The following SERAC1 variants were observed in gnomAD, a reference collection of about 807,000 sequenced individuals.
SERAC1 encodes protein SERAC1.
Under a neutral mutation model 85.7 loss-of-function variants are expected in SERAC1, and 36 were observed. The observed-to-expected ratio is 0.42, with a 90% CI of 0.32 to 0.55. The LOEUF is 0.55. Ranked by LOEUF, SERAC1 falls within the 20% of genes least tolerant of loss-of-function variation. SERAC1 has a pLI of 0.11. For synonymous variants in SERAC1, 242 were observed against 265.3 expected (o/e 0.91, Z 0.85); for missense variants, 629 against 796.2 (o/e 0.79, Z 2.53).
chr6:158,132,947 A>T (rs1340279034), intron 8 of SERAC1, among the ~76,000 whole-genome samples: 1 of 152,232 alleles, frequency 6.6e-6, no homozygotes, highest in Non-Finnish European at 1.5e-5. Flanking sequence ...ACAAAAAATA[A>T]TTTTATAAGG....
At chr6:158,152,694 C>T (rs537268725) in intron 3 of SERAC1, 1 of 152,098 alleles carries the variant, frequency 6.6e-6, no homozygotes, top group African/African-American at 2.4e-5. Context: ...ATTTACTGTA[C>T]CTTTTTTTGT....
intron 10 of SERAC1, among the ~76,000 whole-genome samples, chr6:158,123,839 G>C (rs1784474136): frequency 6.6e-6 from 1 of 152,214 alleles, no homozygotes; most frequent in Non-Finnish European, 1.5e-5. Flanking sequence ...GATGGATTGG[G>C]AGAGGATAAA....
At chr6:158,113,231 CTAATCAGTTACA>C (rs565794234) in intron 16 of SERAC1, 15 of 490,594 alleles carry the variant, frequency 3.1e-5, no homozygotes, top group Non-Finnish European at 5.0e-5. Context: ...CCCTTCTCAT[CTAATCAGTTACA>C]TAAAGGGCAG....
intron 2 of SERAC1, 83 bp downstream of exon 2, chr6:158,158,190 A>G: frequency 1.0e-6 from 1 of 992,964 alleles, no homozygotes; most frequent in Non-Finnish European, 1.5e-6. Flanking sequence ...GGGTTCAAAA[A>G]GTTTTTGTGG....
intron 13 of SERAC1, chr6:158,116,654 G>A (rs16900601): frequency 0.032 from 5,477 of 173,600 alleles, 325 homozygotes; most frequent in African/African-American, 0.12. Context: ...AACATTGTTG[G>A]AGCACCTGTG....
At chr6:158,127,390 G>A (rs1784569510) in intron 10 of SERAC1, among the ~76,000 whole-genome samples, 1 of 45,456 alleles carries the variant, frequency 2.2e-5, no homozygotes, top group South Asian at 8.1e-4. Flanking sequence ...CAGCCCCCCT[G>A]CCCGGCCAGC....
chr6:158,161,773 A>C (rs1430004318), intron 1 of SERAC1: 1 of 152,150 alleles, frequency 6.6e-6, no homozygotes, highest in Non-Finnish European at 1.5e-5. Flanking sequence ...AACCAATCCC[A>C]GGTGCATACC....
chr6:158,120,557 G>A lies in SERAC1; in HGVS notation c.1034C>T (p.Ala345Val). ...IVRSGWVSIM[A>V]EAMKSPHIME... ...AATGTGGGGAGATTTCATTGCTTCT[G>A]CCATGATGGAAACCCAGCCTGGTGA... The change falls in exon 11 of 17, where the codon GCA becomes GTA. Residue 345 changes from alanine (A) to valine (V), a missense_variant. Coordinates refer to ENST00000647468, the MANE Select transcript of SERAC1 (RefSeq NM_032861.4). The surrounding 1 kb of genome is among the most constrained non-coding windows in gnomAD (Gnocchi z 4.4). The A allele has an allele frequency of 6.2e-7, 1 of 1,613,844 alleles. No individual in the cohort carries two copies. Among genetic ancestry groups the A allele is most frequent in the Non-Finnish European group, 8.5e-7 (1 of 1,179,892 alleles).
chr6:158,154,723 C>T (rs1247507450), intron 3 of SERAC1, among the ~76,000 whole-genome samples: 1 of 152,116 alleles, frequency 6.6e-6, no homozygotes, highest in Admixed American at 6.6e-5. Context: ...TCCTTTCATG[C>T]GAGCTTTATG....
At chr6:158,137,190 C>T (rs964175325) in intron 8 of SERAC1, among the ~76,000 whole-genome samples, 4 of 151,258 alleles carry the variant, frequency 2.6e-5, no homozygotes, top group East Asian at 1.9e-4. Flanking sequence ...AGTGCTTACT[C>T]GCCTAAAGAG....
intron 2 of SERAC1, among the ~76,000 whole-genome samples, chr6:158,156,798 A>C (rs1191154932): frequency 7.2e-6 from 1 of 139,028 alleles, no homozygotes; most frequent in Non-Finnish European, 1.5e-5. Context: ...TATATGTTTA[A>C]ATGTATAATA....
At chr6:158,115,645 T>C (rs1784268957) in intron 14 of SERAC1, among the ~76,000 whole-genome samples, 1 of 152,038 alleles carries the variant, frequency 6.6e-6, no homozygotes, top group Non-Finnish European at 1.5e-5. Flanking sequence ...AATTTCAAAG[T>C]GGACTGGGGG....
In SERAC1 at chr6:158,146,861, G is replaced by C. The variant is rs747583218; in HGVS notation, c.408C>G (p.Leu136=). ...TGTCATCTGACTTGCTCTTCCGTAG[G>C]AGCAGCCACACAGCACACTCATGAT... ...IEDHECAVWL[L]LRKSKSDDKT... The change falls in exon 6 of 17, where the codon CTC becomes CTG. Residue 136 remains leucine, a synonymous_variant. Coordinates refer to ENST00000647468, the MANE Select transcript of SERAC1 (RefSeq NM_032861.4). 2 of 1,613,868 alleles carry C rather than the reference G, an allele frequency of 1.2e-6. No individual in the cohort carries two copies. Among genetic ancestry groups the C allele is most frequent in the Non-Finnish European group, 1.7e-6 (2 of 1,179,896 alleles).
At chr6:158,148,842 C>A in intron 5 of SERAC1, 23 bp downstream of exon 5, 2 of 1,524,460 alleles carry the variant, frequency 1.3e-6, no homozygotes, top group Non-Finnish European at 1.8e-6. Context: ...ATAAGGATTC[C>A]AAGTCATATA....
intron 1 of SERAC1, among the ~76,000 whole-genome samples, chr6:158,160,430 T>C (rs1397347358): frequency 6.6e-6 from 1 of 152,200 alleles, no homozygotes; most frequent in Admixed American, 6.5e-5. Flanking sequence ...TGCACACAAA[T>C]GAATGATTAT....
At chr6:158,129,458 A>G (rs997563552) in intron 9 of SERAC1, among the ~76,000 whole-genome samples, 5 of 152,234 alleles carry the variant, frequency 3.3e-5, no homozygotes, top group African/African-American at 1.2e-4. Flanking sequence ...CCTGGACTCC[A>G]CACCAAATCT....
chr6:158,135,163 G>A (rs1268172067), intron 8 of SERAC1, among the ~76,000 whole-genome samples: 1 of 152,116 alleles, frequency 6.6e-6, no homozygotes, highest in African/African-American at 2.4e-5. Context: ...CAGGTAAAAG[G>A]AGACTAAATA....
rs968442647 is a variant in SERAC1 at position 158,120,655 on chromosome 6, A to G, written c.1016-80T>C. 4.8e-6 allele frequency: 7 copies of G among 1,465,392 alleles called. No individual in the cohort carries two copies. The highest frequency in any genetic ancestry group is 6.4e-6 in the Non-Finnish European group (7 of 1,087,354). The allele number at this position is 1,465,392 out of a possible 1,614,324, so 90.8% of individuals were successfully genotyped here. On this transcript the variant is annotated intron_variant, in intron 10 of 16. Transcript: ENST00000647468. This position sits in a 1 kb window ranked among gnomAD's most constrained non-coding sequence, Gnocchi z 4.4. ...GAGAGAGTGAGGTTTCAAACTGAAT[A>G]TGATGGGAGAAAGGCAAACCTTGCG...
chr6:158,145,515 A>C (rs1785032734), intron 6 of SERAC1, among the ~76,000 whole-genome samples: 1 of 150,462 alleles, frequency 6.6e-6, no homozygotes, highest in South Asian at 2.1e-4. Flanking sequence ...TTTCTTTGAG[A>C]ATTTTTCTTT....
Sources: gnomAD v4.1 joint callset for allele counts (sites outside exome capture counted in the v4.1 genomes callset) on GRCh38, gnomAD v4.1.1 for gene constraint, Gnocchi (gnomAD v3.1) non-coding constraint, MANE v1.5 for transcripts, NCBI Gene and HGNC (gene_info 2026-07-23, HGNC 2026-07-21) for gene names.